The following ARMC12 variants were observed in gnomAD, a reference collection of about 807,000 sequenced individuals.
ARMC12 encodes armadillo repeat-containing protein 12.
In ARMC12, 25 loss-of-function variants were observed where a neutral mutation model predicts 37.4. The observed-to-expected ratio is 0.67, with a 90% CI of 0.49 to 0.93. The LOEUF (loss-of-function observed/expected upper bound fraction) is 0.93. Ranked by LOEUF, ARMC12 falls within the 40% of genes least tolerant of loss-of-function variation. The pLI is 0.00. For missense variants in ARMC12, 384 were observed against 426.6 expected (o/e 0.90, Z 0.88); for synonymous variants, 167 against 176.1 (o/e 0.95, Z 0.41).
At chr6:35,741,040 C>T (rs968391010) in intron 3 of ARMC12, among the ~76,000 whole-genome samples, 1 of 151,812 alleles carries the variant, frequency 6.6e-6, no homozygotes, top group African/African-American at 2.4e-5. Flanking sequence ...GCTGGGAGTA[C>T]GGGTGTGCTC....
rs201536097 is a variant in ARMC12, at chr6:35,747,438, C to A, written c.618+4C>A. On this transcript the variant is annotated splice_donor_region_variant and intron_variant, in intron 4 of 5. Transcript: ENST00000373866. Reference sequence around the variant, plus strand: ...GTCAGACTACATCCTGGCACAGGTGCCTGAGGACCATGGCCAAGGCCCTGC... The same window carrying A: ...GTCAGACTACATCCTGGCACAGGTGACTGAGGACCATGGCCAAGGCCCTGC... 6.2e-7 allele frequency: 1 copy of A among 1,614,114 alleles called. No homozygotes were observed. The highest frequency in any genetic ancestry group is 8.5e-7 in the Non-Finnish European group (1 of 1,180,000).
upstream of ARMC12, among the ~76,000 whole-genome samples, chr6:35,733,472 TGAG>T (rs1309083819): frequency 1.3e-5 from 2 of 152,284 alleles, no homozygotes; most frequent in African/African-American, 4.8e-5. Context: ...GTGGGGAAAA[TGAG>T]GCACAAGGAG....
At chr6:35,732,125 C>G (rs921594117), upstream of ARMC12, among the ~76,000 whole-genome samples, 4 of 152,144 alleles carry the variant, frequency 2.6e-5, no homozygotes, top group African/African-American at 9.7e-5. Context: ...GGCCTCCTTC[C>G]CCCCGCCGCA....
In ARMC12 at chr6:35,737,258, C is replaced by T. The variant is rs1230247717; in HGVS notation, c.150C>T (p.Pro50=). Residue 50 remains proline (P), a synonymous_variant, in exon 1 of 6, where the codon CCC becomes CCT. Coordinates refer to ENST00000373866, the MANE Select transcript of ARMC12 (RefSeq NM_001286574.2). The part of the protein sequence containing the change: ...KCKPPLCSNS[P]ICIARLAVER... ...AACCACCCCTCTGTAGCAACTCACC[C>T]ATCTGCATCGCCCGTGAGTGTCCGG... 1.2e-6 allele frequency: 2 copies of T among 1,614,148 alleles called. No individual in the cohort carries two copies. Among genetic ancestry groups the T allele is most frequent in the African/African-American group, 2.7e-5 (2 of 74,950 alleles).
intron 3 of ARMC12, among the ~76,000 whole-genome samples, chr6:35,744,078 G>A (rs1394412298): frequency 1.3e-5 from 2 of 152,130 alleles, no homozygotes; most frequent in Non-Finnish European, 2.9e-5. Flanking sequence ...AAAAACATTT[G>A]CTCCATGAAA....
At chr6:35,739,102 G>A (rs1767088296) in intron 3 of ARMC12, among the ~76,000 whole-genome samples, 1 of 152,224 alleles carries the variant, frequency 6.6e-6, no homozygotes, top group South Asian at 2.1e-4. Flanking sequence ...AGACACATAG[G>A]GCAGGGTGTC....
intron 3 of ARMC12, among the ~76,000 whole-genome samples, chr6:35,743,945 C>CAA (rs575151896): frequency 2.3e-5 from 2 of 88,800 alleles, no homozygotes; most frequent in Admixed American, 1.3e-4. Context: ...GACTCCATCT[C>CAA]AAAAAAAAAA....
chr6:35,747,316 A>G lies in ARMC12; in HGVS notation c.500A>G (p.His167Arg), dbSNP rs1767370461. 6.2e-7 allele frequency: 1 copy of G among 1,613,862 alleles called. No individual in the cohort carries two copies. The change falls in exon 4 of 6, where the codon CAC (histidine) becomes CGC (arginine). Residue 167 changes from histidine to arginine, a missense_variant. Coordinates refer to ENST00000373866, the MANE Select transcript of ARMC12 (RefSeq NM_001286574.2). ...TCCACCATCTGGGACACGGAACTGCACATTGCGGGCCTCAGACTCCTCAAC... is the reference window on the plus strand; with the variant it reads ...TCCACCATCTGGGACACGGAACTGCGCATTGCGGGCCTCAGACTCCTCAAC... ...LISTIWDTEL[H>R]IAGLRLLNNL...
intron 3 of ARMC12, among the ~76,000 whole-genome samples, chr6:35,739,455 G>T (rs766334308): frequency 1.4e-4 from 21 of 152,304 alleles, no homozygotes; most frequent in Non-Finnish European, 2.8e-4. Context: ...GTGCTGGGGT[G>T]ATTACCCTTA....
At position 35,747,441 on chromosome 6, in the gene ARMC12, G is replaced by A. The variant is rs1561925455; in HGVS notation, c.618+7G>A. 1 of 1,614,184 alleles carries A rather than the reference G, an allele frequency of 6.2e-7. No individual in the cohort carries two copies. Among genetic ancestry groups the A allele is most frequent in the South Asian group, 1.1e-5 (1 of 91,076 alleles). On this transcript the variant is annotated splice_region_variant and intron_variant, in intron 4 of 5. Transcript: ENST00000373866. ...AGACTACATCCTGGCACAGGTGCCTGAGGACCATGGCCAAGGCCCTGCCTT... is the reference window on the plus strand; with the variant it reads ...AGACTACATCCTGGCACAGGTGCCTAAGGACCATGGCCAAGGCCCTGCCTT...
chr6:35,733,276 G>A (rs188781636), upstream of ARMC12, among the ~76,000 whole-genome samples: 267 of 152,278 alleles, frequency 1.8e-3, 1 homozygote, highest in African/African-American at 5.9e-3. Flanking sequence ...GGGATGCTTC[G>A]AGGGCTACCA....
chr6:35,733,970 C>T (rs1049265711), upstream of ARMC12: 1 of 152,212 alleles, frequency 6.6e-6, no homozygotes, highest in Non-Finnish European at 1.5e-5. Flanking sequence ...TAGTAACTCA[C>T]AGCTGGCTGT....
intron 3 of ARMC12, among the ~76,000 whole-genome samples, chr6:35,740,938 C>T (rs1388428584): frequency 7.3e-6 from 1 of 137,342 alleles, no homozygotes; most frequent in East Asian, 2.1e-4. Context: ...CTCGTTCTGT[C>T]GCCCAGGCTG....
chr6:35,731,940 C>T, the ARMC12 span, among the ~76,000 whole-genome samples: 1 of 152,154 alleles, frequency 6.6e-6, no homozygotes, highest in Admixed American at 6.5e-5. Flanking sequence ...AACTAGGTGC[C>T]GGCGCCGGGC....
chr6:35,738,211 C>T (rs1268319206), intron 2 of ARMC12, 39 bp downstream of exon 2: 25 of 1,558,184 alleles, frequency 1.6e-5, no homozygotes, highest in Non-Finnish European at 2.1e-5. Flanking sequence ...CGGCCTGGCC[C>T]CTGGGGGTTA....
At chr6:35,744,532 G>T (rs1025922993) in intron 3 of ARMC12, among the ~76,000 whole-genome samples, 23 of 152,082 alleles carry the variant, frequency 1.5e-4, no homozygotes, top group Admixed American at 3.9e-4. Flanking sequence ...CAGGCATGGG[G>T]GATCACGAGG....
the ARMC12 span, among the ~76,000 whole-genome samples, chr6:35,731,834 G>A: frequency 1.1e-4 from 16 of 152,334 alleles, no homozygotes; most frequent in East Asian, 1.9e-4. Context: ...TTCCCGGGCA[G>A]CCCCGTCGCT....
rs1046480274 is a variant in ARMC12 at position 35,738,233 on chromosome 6, T to G, written c.309+61T>G. 8.4e-6 allele frequency: 11 copies of G among 1,315,018 alleles called. No homozygotes were observed. In the African/African-American group the frequency reaches 1.6e-4, roughly 19 times the overall value. The allele number at this position is 1,315,018 out of a possible 1,614,324, so 81.5% of individuals were successfully genotyped here. A position where few individuals can be genotyped will look rare whatever the true frequency, so the allele number is the denominator to read the frequency against. On this transcript the variant is annotated intron_variant, in intron 2 of 5. Transcript: ENST00000373866. ...GCCCCTGGGGGTTACGGCCGATCCCTGCCCCTGGAATGGCCAGACTATATC... is the reference window on the plus strand; with the variant it reads ...GCCCCTGGGGGTTACGGCCGATCCCGGCCCCTGGAATGGCCAGACTATATC...
At chr6:35,738,295 G>GGGT in intron 2 of ARMC12, 89 bp from the exon 3 acceptor site, 6 of 1,414,982 alleles carry the variant, frequency 4.2e-6, no homozygotes, top group African/African-American at 1.5e-5. Flanking sequence ...GTGGGGGGGG[G>GGGT]GTGTGCGGAG....
Sources: allele counts gnomAD v4.1 joint callset (sites outside exome capture counted in the v4.1 genomes callset), GRCh38; gene constraint gnomAD v4.1.1; transcripts MANE v1.5; gene names NCBI Gene and HGNC (gene_info 2026-07-23, HGNC 2026-07-21).